SOX6: variants seen among roughly 807,000 people sequenced by gnomAD.
The protein encoded by SOX6 is SRY-box transcription factor 6, also known as transcription factor SOX-6.
A neutral mutation model predicts 97.8 loss-of-function variants in SOX6; 11 were observed. The observed-to-expected ratio is 0.11, with a 90% CI of 0.07 to 0.19. The LOEUF is 0.19. Among genes scored for constraint, SOX6 ranks in the 10% least tolerant of loss-of-function variants. The probability of loss-of-function intolerance (pLI) is 1.00; values close to 1 mark genes in which losing one functional copy is unlikely to be tolerated. For synonymous variants in SOX6, 360 were observed against 371.4 expected (o/e 0.97, Z 0.35); for missense variants, 810 against 1,039.5 (o/e 0.78, Z 3.04).
At chr11:16,272,293 G>T (rs550295481) in intron 3 of SOX6, among the ~76,000 whole-genome samples, 1 of 151,204 alleles carries the variant, frequency 6.6e-6, no homozygotes, top group African/African-American at 2.4e-5. Flanking sequence ...TAAGAACACA[G>T]AAACCAAAAA....
chr11:16,207,593 CA>C (rs11337273), intron 4 of SOX6, among the ~76,000 whole-genome samples: 65,430 of 129,266 alleles, frequency 0.51, 14,848 homozygotes, highest in Middle Eastern at 0.7. Flanking sequence ...GACTCCATCT[CA>C]AAAAAAAAAA....
At chr11:16,144,319 AC>A (rs1314132429) in intron 6 of SOX6, among the ~76,000 whole-genome samples, 1 of 152,252 alleles carries the variant, frequency 6.6e-6, no homozygotes, top group Non-Finnish European at 1.5e-5. Flanking sequence ...CAAAGACACA[AC>A]ATACCAGAAT....
chr11:16,326,499 G>T (rs1011481360), intron 2 of SOX6, among the ~76,000 whole-genome samples: 1 of 151,622 alleles, frequency 6.6e-6, no homozygotes, highest in Non-Finnish European at 1.5e-5. Flanking sequence ...TAATCCATAG[G>T]GCTACAGTTT....
At chr11:16,423,116 G>A (rs928521742) in intron 1 of SOX6, among the ~76,000 whole-genome samples, 7 of 152,126 alleles carry the variant, frequency 4.6e-5, no homozygotes, top group Non-Finnish European at 8.8e-5. Context: ...TCTTTCTAAT[G>A]TTATCTCCAA....
chr11:16,186,770 T>C lies in SOX6; in HGVS notation c.708+13A>G, dbSNP rs1292994525. 1 of 1,612,532 alleles carries C rather than the reference T, an allele frequency of 6.2e-7. No individual in the cohort carries two copies. Reference sequence around the variant, plus strand: ...CACATCTCCAGTTCGTCAGTGCCTTTTGCAGGGCTCACCTGTTCTTGCTGT... The same window carrying C: ...CACATCTCCAGTTCGTCAGTGCCTTCTGCAGGGCTCACCTGTTCTTGCTGT... On this transcript the variant is annotated intron_variant, in intron 5 of 15. Coordinates refer to ENST00000683767, the MANE Select transcript of SOX6 (RefSeq NM_001367873.1).
chr11:16,197,531 T>C (rs1361742612), intron 4 of SOX6, among the ~76,000 whole-genome samples: 1 of 152,200 alleles, frequency 6.6e-6, no homozygotes, highest in African/African-American at 2.4e-5. Flanking sequence ...GAACTGGAAA[T>C]TTCATATTGA....
chr11:16,551,372 GTT>G lies in SOX6; in HGVS notation n.609+60707_609+60708del, dbSNP rs898776522. Among the ~76,000 whole-genome samples the G allele has an allele frequency of 3.9e-3, 590 of 151,810 alleles. 3 individuals carry two copies. The highest frequency in any genetic ancestry group is 0.014 in the African/African-American group (571 of 41,402). ...TCATTAAAATAAATAAATAAATAAT[GTT>G]TTAAAGACGCTAAATTAAACCCAAC... On this transcript the variant is annotated intron_variant and non_coding_transcript_variant, in intron 4 of 5. Coordinates refer to the SOX6 transcript ENST00000524520.
At chr11:16,721,374 A>T (rs1848259757) in intron 2 of SOX6, among the ~76,000 whole-genome samples, 1 of 152,040 alleles carries the variant, frequency 6.6e-6, no homozygotes, top group South Asian at 2.1e-4. Context: ...GGACATGGGG[A>T]ACTTTTTTTC....
At chr11:16,001,592 C>T (rs1158294644) in intron 13 of SOX6, among the ~76,000 whole-genome samples, 2 of 152,148 alleles carry the variant, frequency 1.3e-5, no homozygotes, top group Non-Finnish European at 2.9e-5. Flanking sequence ...CATTTCTTGG[C>T]TGGAACATTA....
At chr11:16,261,746 T>C (rs76682230) in intron 3 of SOX6, among the ~76,000 whole-genome samples, 1,753 of 152,154 alleles carry the variant, frequency 0.012, 32 homozygotes, top group African/African-American at 0.04. Context: ...GGTGGTAAAT[T>C]AAGTAATCAC....
chr11:16,198,099 G>C lies in SOX6; in HGVS notation c.536-11144C>G, dbSNP rs145166355. On this transcript the variant is annotated intron_variant, in intron 4 of 15. Transcript: ENST00000683767. ...ATGGCGTTTTGCACTTCTTGCCCAA[G>C]CTGGAGTGCAGTGGCTCGATCTTGG... is the stretch of plus-strand genomic sequence containing the variant. Among the ~76,000 whole-genome samples, 925 of 152,066 alleles carry C rather than the reference G, an allele frequency of 6.1e-3. 14 individuals carry two copies. The highest frequency in any genetic ancestry group is 0.021 in the African/African-American group (882 of 41,482).
At chr11:16,690,439 T>C (rs767777447) in intron 3 of SOX6, among the ~76,000 whole-genome samples, 1 of 152,222 alleles carries the variant, frequency 6.6e-6, no homozygotes, top group Non-Finnish European at 1.5e-5. Flanking sequence ...TGACTCTTTA[T>C]TCTTGCTTAG....
In SOX6 at chr11:16,254,101, A is replaced by G. The variant is rs559603959; in HGVS notation, c.446-19430T>C. 6.0e-4 allele frequency among the ~76,000 whole-genome samples: 91 copies of G among 152,198 alleles called. 2 individuals are homozygous for G. In the South Asian group the frequency reaches 0.018, roughly 30 times the overall value. On this transcript the variant is annotated intron_variant, in intron 3 of 15. Transcript: ENST00000683767. ...AAATATTTAAAGTGATGAAAAAAAAAACACTTAGCATTTTGTACCTGTAAA... is the reference window on the plus strand; with the variant it reads ...AAATATTTAAAGTGATGAAAAAAAAGACACTTAGCATTTTGTACCTGTAAA...
At chr11:16,521,904 T>C (rs545523936) in intron 4 of SOX6, among the ~76,000 whole-genome samples, 2 of 151,932 alleles carry the variant, frequency 1.3e-5, no homozygotes, top group East Asian at 1.9e-4. Context: ...ACGAATGAAA[T>C]GAAGCGAGAA....
intron 4 of SOX6, among the ~76,000 whole-genome samples, chr11:16,601,682 A>G (rs1406552136): frequency 1.3e-5 from 2 of 152,168 alleles, no homozygotes; most frequent in Non-Finnish European, 2.9e-5. Flanking sequence ...TACCTACTAT[A>G]CTAATTGAAA....
rs1853353886 is a variant in SOX6 at position 15,972,742 on chromosome 11, TTAA to T, written c.*64_*66del. On this transcript the variant is annotated 3_prime_UTR_variant, in exon 16 of 16. Coordinates refer to ENST00000683767, the MANE Select transcript of SOX6 (RefSeq NM_001367873.1). ...GGAGCCACAAATGCATGCGGGCTCT[TTAA>T]TAACTCTTTGTTGGGGAGGGGGGTG... 6.4e-7 allele frequency: 1 copy of T among 1,562,154 alleles called. No homozygotes were observed. Among genetic ancestry groups the T allele is most frequent in the Admixed American group, 1.7e-5 (1 of 59,916 alleles).
At chr11:16,153,273 G>A (rs892796249) in intron 6 of SOX6, among the ~76,000 whole-genome samples, 1 of 152,110 alleles carries the variant, frequency 6.6e-6, no homozygotes, top group Non-Finnish European at 1.5e-5. Context: ...CTCCAAAAGT[G>A]TTGGGATTAC....
intron 3 of SOX6, among the ~76,000 whole-genome samples, chr11:16,257,099 TG>T (rs1281120052): frequency 6.6e-6 from 1 of 151,884 alleles, no homozygotes; most frequent in African/African-American, 2.4e-5. Context: ...GTTTATGGAT[TG>T]AAAGACTCAA....
intron 2 of SOX6, among the ~76,000 whole-genome samples, chr11:16,734,550 A>C (rs1848376952): frequency 6.6e-6 from 1 of 152,104 alleles, no homozygotes; most frequent in Non-Finnish European, 1.5e-5. Context: ...CTCACTAGGT[A>C]AGCTTAGTTA....
Sources: gnomAD v4.1 joint callset for allele counts (sites outside exome capture counted in the v4.1 genomes callset) on GRCh38, gnomAD v4.1.1 for gene constraint, MANE v1.5 for transcripts, NCBI Gene and HGNC (gene_info 2026-07-23, HGNC 2026-07-21) for gene names.